Variants in NSF observed in about 807,000 individuals in gnomAD.
NSF encodes the protein N-ethylmaleimide sensitive factor, vesicle fusing ATPase.
Under a neutral mutation model 50.3 loss-of-function variants are expected in NSF, and 14 were observed. The ratio of observed to expected loss-of-function variants is 0.28; its 90% CI spans 0.18 to 0.44. The LOEUF is 0.44. NSF is among the 20% of genes least tolerant of loss of function. The pLI, the probability that NSF is intolerant of heterozygous loss-of-function variation, is 1.00. For missense variants in NSF, 218 were observed against 504.3 expected, an observed-to-expected ratio of 0.43 and a Z score of 5.44; for synonymous variants, 109 against 175.7, an observed-to-expected ratio of 0.62 and a Z score of 3.00.
At chr17:46,708,905 A>G (rs1481804374) in intron 13 of NSF, among the ~76,000 whole-genome samples, 2 of 144,352 alleles carry the variant, frequency 1.4e-5, no homozygotes, top group Non-Finnish European at 3.0e-5. Context: ...GCTTACTGCA[A>G]CCTCCGCCTC....
intron 1 of NSF, among the ~76,000 whole-genome samples, chr17:46,610,011 T>TTCTC (rs1336432177): frequency 2.5e-5 from 2 of 80,206 alleles, no homozygotes; most frequent in Non-Finnish European, 5.9e-5. Context: ...CTTTCTCTCT[T>TTCTC]TCTTTCTTTC....
intron 9 of NSF, among the ~76,000 whole-genome samples, chr17:46,685,224 C>T (rs1272710708): frequency 1.4e-5 from 2 of 146,730 alleles, no homozygotes; most frequent in South Asian, 2.1e-4. Context: ...CACATGGCTG[C>T]ATAGGTAACT....
intron 17 of NSF, among the ~76,000 whole-genome samples, chr17:46,731,381 C>G (rs2058947407): frequency 6.6e-6 from 1 of 151,948 alleles, no homozygotes; most frequent in East Asian, 1.9e-4. Context: ...TATGGGGTTT[C>G]TTTTTGGGGT....
At chr17:46,697,188 A>G (rs1227228170) in intron 12 of NSF, among the ~76,000 whole-genome samples, 1 of 145,178 alleles carries the variant, frequency 6.9e-6, no homozygotes, top group Middle Eastern at 3.6e-3. Context: ...TAATGAGCAC[A>G]TGGTAGGTGT....
At chr17:46,724,562 C>A (rs1399068114) in intron 15 of NSF, among the ~76,000 whole-genome samples, 2 of 152,168 alleles carry the variant, frequency 1.3e-5, no homozygotes, top group African/African-American at 4.8e-5. Context: ...TGCCTAACTT[C>A]CAAGGCACTG....
chr17:46,631,165 T>A (rs1160229095), intron 4 of NSF, among the ~76,000 whole-genome samples: 1 of 140,682 alleles, frequency 7.1e-6, no homozygotes, highest in African/African-American at 3.0e-5. Context: ...CTAAGTTAGA[T>A]GGAATTTAAA....
rs777758376 is a variant in NSF, at chr17:46,599,503, CAT to C, written c.12+8721_12+8722del. ...CAAGCATGACAAGCACAGTGAATAA[CAT>C]ATATCCATGTGATTACCACTGAGGT... is the stretch of plus-strand genomic sequence containing the variant. On this transcript the variant is annotated intron_variant, in intron 1 of 20. Coordinates refer to ENST00000398238, the MANE Select transcript of NSF (RefSeq NM_006178.4). Among the ~76,000 whole-genome samples the C allele has an allele frequency of 1.9e-3, 230 of 118,168 alleles. 31 individuals carry two copies. Among genetic ancestry groups the C allele is most frequent in the Non-Finnish European group, 2.6e-3 (159 of 60,026 alleles). The allele number at this position is 118,168 out of a possible 152,430, so 77.5% of individuals were successfully genotyped here.
intron 9 of NSF, among the ~76,000 whole-genome samples, chr17:46,688,214 A>G (rs2058510985): frequency 6.7e-6 from 1 of 150,292 alleles, no homozygotes; most frequent in African/African-American, 2.5e-5. Context: ...CAAAAACTAT[A>G]AAACTTTATT....
intron 19 of NSF, among the ~76,000 whole-genome samples, chr17:46,752,699 G>A (rs1215893879): frequency 2.0e-5 from 3 of 152,104 alleles, no homozygotes; most frequent in Admixed American, 6.5e-5. Flanking sequence ...CAAGTAATCC[G>A]TCTGCCTCAG....
At chr17:46,720,992 C>T (rs879822850) in intron 15 of NSF, among the ~76,000 whole-genome samples, 2 of 152,212 alleles carry the variant, frequency 1.3e-5, no homozygotes, top group African/African-American at 2.4e-5. Flanking sequence ...CTGTCCCACA[C>T]ACAGGTGGCT....
intron 1 of NSF, among the ~76,000 whole-genome samples, chr17:46,622,557 C>T (rs1418810505): frequency 1.3e-4 from 19 of 148,276 alleles, no homozygotes; most frequent in South Asian, 2.1e-4. Flanking sequence ...CCGAGGCGGG[C>T]GGATTGCCTG....
chr17:46,739,931 C>T (rs2146318745), intron 17 of NSF, among the ~76,000 whole-genome samples: 1 of 152,230 alleles, frequency 6.6e-6, no homozygotes, highest in East Asian at 1.9e-4. Context: ...AACTCCTGGC[C>T]TCAAGTGATC....
intron 17 of NSF, among the ~76,000 whole-genome samples, chr17:46,733,717 A>G (rs1030833797): frequency 1.3e-5 from 2 of 152,236 alleles, no homozygotes; most frequent in African/African-American, 2.4e-5. Flanking sequence ...TAGTCCAGGT[A>G]TAACTCATTT....
intron 15 of NSF, among the ~76,000 whole-genome samples, chr17:46,723,702 A>G (rs2058856489): frequency 6.6e-6 from 1 of 152,074 alleles, no homozygotes. Context: ...CACCACACCC[A>G]TTCATTCACC....
chr17:46,699,402 G>GACAC (rs4061825), intron 12 of NSF, among the ~76,000 whole-genome samples: 125 of 148,306 alleles, frequency 8.4e-4, no homozygotes, highest in Middle Eastern at 6.9e-3. Flanking sequence ...ATAAACTGAG[G>GACAC]ACACACACAC....
chr17:46,707,891 G>T lies in NSF; in HGVS notation c.1470+3037G>T, dbSNP rs2058672104. 2.0e-5 allele frequency among the ~76,000 whole-genome samples: 3 copies of T among 152,220 alleles called. No homozygotes were observed. The South Asian group carries it at 6.2e-4, about 32-fold the overall frequency. On this transcript the variant is annotated intron_variant, in intron 13 of 20. Transcript: ENST00000398238. ...TACTAAAAAATACAAAAATTAGCCA[G>T]GAGTGGTGGCACACACCTGTAATCC...
At chr17:46,595,220 A>G (rs2057859162) in intron 1 of NSF, among the ~76,000 whole-genome samples, 1 of 15,400 alleles carries the variant, frequency 6.5e-5, no homozygotes, top group Admixed American at 9.0e-4. Context: ...ACTATCTTCT[A>G]CCTTTTGGAA....
intron 15 of NSF, among the ~76,000 whole-genome samples, chr17:46,718,438 C>A (rs779992184): frequency 6.6e-6 from 1 of 152,138 alleles, no homozygotes; most frequent in Non-Finnish European, 1.5e-5. Context: ...TCACAACTAC[C>A]CTTATTTGAT....
intron 17 of NSF, among the ~76,000 whole-genome samples, chr17:46,735,349 C>T (rs1188449156): frequency 1.3e-5 from 2 of 151,852 alleles, no homozygotes; most frequent in African/African-American, 4.8e-5. Flanking sequence ...GTTACTGTGG[C>T]ATTACATTAG....
Sources: gnomAD v4.1 joint callset for allele counts (sites outside exome capture counted in the v4.1 genomes callset) on GRCh38, gnomAD v4.1.1 for gene constraint, MANE v1.5 for transcripts, NCBI Gene and HGNC (gene_info 2026-07-23, HGNC 2026-07-21) for gene names.